The following OXR1 variants were observed in gnomAD, a reference collection of about 807,000 sequenced individuals.
The protein encoded by OXR1 is oxidation resistance 1.
Under a neutral mutation model 104.6 loss-of-function variants are expected in OXR1, and 41 were observed. The observed-to-expected ratio is 0.39, with a 90% CI of 0.31 to 0.51. The LOEUF is 0.51. OXR1 is among the 20% of genes least tolerant of loss of function. The probability of loss-of-function intolerance (pLI) is 0.77; values close to 1 mark genes in which losing one functional copy is unlikely to be tolerated. For synonymous variants in OXR1, 348 were observed against 348.4 expected, an observed-to-expected ratio of 1.00 and a Z score of 0.01; for missense variants, 955 against 1,031.9, an observed-to-expected ratio of 0.93 and a Z score of 1.02.
chr8:106,525,250 T>C (rs544930024), intron 3 of OXR1, among the ~76,000 whole-genome samples: 3 of 152,274 alleles, frequency 2.0e-5, no homozygotes, highest in African/African-American at 7.2e-5. Flanking sequence ...TTATTCACAT[T>C]ATCTCACTAT....
intron 2 of OXR1, among the ~76,000 whole-genome samples, chr8:106,472,598 C>T (rs1821575833): frequency 6.6e-6 from 1 of 151,824 alleles, no homozygotes; most frequent in African/African-American, 2.4e-5. Flanking sequence ...AAATTTACTG[C>T]TACAGTAAAA....
intron 3 of OXR1, chr8:106,520,682 A>G (rs990772266): frequency 6.6e-6 from 1 of 152,164 alleles, no homozygotes; most frequent in African/African-American, 2.4e-5. Flanking sequence ...AGTTCCTCAA[A>G]TCAATTGACT....
At chr8:106,411,359 A>G (rs116292674) in intron 2 of OXR1, among the ~76,000 whole-genome samples, 171 of 152,332 alleles carry the variant, frequency 1.1e-3, no homozygotes, top group African/African-American at 3.9e-3. Flanking sequence ...TTTACCCAAC[A>G]GATACCCATT....
At chr8:106,288,808 T>A (rs1321078034) in intron 1 of OXR1, among the ~76,000 whole-genome samples, 1 of 150,744 alleles carries the variant, frequency 6.6e-6, no homozygotes, top group Admixed American at 6.6e-5. Flanking sequence ...TAGTATATTC[T>A]TAAGATACCT....
chr8:106,593,584 C>T (rs951400852), intron 3 of OXR1, among the ~76,000 whole-genome samples: 7 of 152,046 alleles, frequency 4.6e-5, no homozygotes, highest in Non-Finnish European at 8.8e-5. Context: ...CGAGACCATC[C>T]TGGCTAACAC....
chr8:106,302,515 G>A lies in OXR1; in HGVS notation c.-139+32148G>A, dbSNP rs1186750711. The stretch of plus-strand genomic sequence containing the variant: ...GCAGGGGAATGGTGTGAACCCGGGA[G>A]GCGGAGCTTGCAGTGAGCTTAGATC... On this transcript the variant is annotated intron_variant, in intron 1 of 16. Coordinates refer to ENST00000517566, the MANE Select transcript of OXR1 (RefSeq NM_001198533.2). Among the ~76,000 whole-genome samples, 26 of 151,282 alleles carry A rather than the reference G, an allele frequency of 1.7e-4. 2 individuals are homozygous for A. The highest frequency in any genetic ancestry group is 1.3e-3 in the Admixed American group (20 of 15,204).
At chr8:106,481,417 G>C (rs191708107) in intron 2 of OXR1, among the ~76,000 whole-genome samples, 1 of 152,070 alleles carries the variant, frequency 6.6e-6, no homozygotes, top group Admixed American at 6.6e-5. Context: ...TTTCAATATT[G>C]ATTTTTTAAA....
intron 2 of OXR1, among the ~76,000 whole-genome samples, chr8:106,517,168 A>G (rs1461223462): frequency 6.6e-6 from 1 of 152,162 alleles, no homozygotes; most frequent in East Asian, 1.9e-4. Flanking sequence ...CATTACCAGA[A>G]TCCCATAAAC....
At chr8:106,406,773 T>G (rs112122942) in intron 2 of OXR1, among the ~76,000 whole-genome samples, 2 of 152,200 alleles carry the variant, frequency 1.3e-5, no homozygotes, top group African/African-American at 4.8e-5. Flanking sequence ...TAATGGTGGA[T>G]ACCTGTCATT....
At chr8:106,452,205 C>T (rs895874650) in intron 2 of OXR1, among the ~76,000 whole-genome samples, 3 of 152,136 alleles carry the variant, frequency 2.0e-5, no homozygotes, top group African/African-American at 7.2e-5. Context: ...GGAAACCGAA[C>T]TCCACAAATA....
intron 1 of OXR1, among the ~76,000 whole-genome samples, chr8:106,280,967 G>T (rs929073878): frequency 6.6e-6 from 1 of 152,064 alleles, no homozygotes; most frequent in Non-Finnish European, 1.5e-5. Context: ...ACCAGAGAAA[G>T]CCCCCTTTGG....
chr8:106,467,424 A>T (rs920047045), intron 2 of OXR1, among the ~76,000 whole-genome samples: 2 of 151,838 alleles, frequency 1.3e-5, no homozygotes, highest in African/African-American at 4.8e-5. Context: ...TTAGCCTGTC[A>T]CTGCTTCATG....
At chr8:106,525,539 C>A (rs1257529760) in intron 3 of OXR1, among the ~76,000 whole-genome samples, 1 of 152,110 alleles carries the variant, frequency 6.6e-6, no homozygotes, top group African/African-American at 2.4e-5. Context: ...ATAATTACAA[C>A]CTTTATGTTT....
chr8:106,574,502 T>C (rs1817689681), intron 3 of OXR1, among the ~76,000 whole-genome samples: 2 of 152,240 alleles, frequency 1.3e-5, no homozygotes, highest in African/African-American at 4.8e-5. Context: ...TGGCCACACC[T>C]AGCACTAAGT....
chr8:106,420,593 A>C (rs991624821), intron 2 of OXR1, among the ~76,000 whole-genome samples: 1 of 150,692 alleles, frequency 6.6e-6, no homozygotes, highest in Non-Finnish European at 1.5e-5. Context: ...GGTATTAAAT[A>C]TATAATATAT....
intron 2 of OXR1, among the ~76,000 whole-genome samples, chr8:106,443,278 A>G (rs1819868198): frequency 6.6e-6 from 1 of 151,984 alleles, no homozygotes; most frequent in Non-Finnish European, 1.5e-5. Context: ...ACTGTTTATT[A>G]TAATTTCAGG....
chr8:106,638,627 G>A (rs866267938), intron 3 of OXR1, among the ~76,000 whole-genome samples: 4 of 152,106 alleles, frequency 2.6e-5, no homozygotes, highest in Non-Finnish European at 5.9e-5. Context: ...CCGGCTGGGC[G>A]CGATGACTCA....
At chr8:106,643,856 G>A (rs1282873678) in intron 3 of OXR1, among the ~76,000 whole-genome samples, 1 of 152,068 alleles carries the variant, frequency 6.6e-6, no homozygotes, top group Non-Finnish European at 1.5e-5. Context: ...CCAAGGCCCC[G>A]CTCATGTCTT....
intron 3 of OXR1, among the ~76,000 whole-genome samples, chr8:106,580,125 T>A (rs1467288376): frequency 2.0e-5 from 3 of 152,170 alleles, no homozygotes; most frequent in African/African-American, 7.2e-5. Flanking sequence ...TTTTAAACCA[T>A]CTTAGCCATC....
Sources: allele counts gnomAD v4.1 joint callset (sites outside exome capture counted in the v4.1 genomes callset), GRCh38; gene constraint gnomAD v4.1.1; transcripts MANE v1.5; gene names NCBI Gene and HGNC (gene_info 2026-07-23, HGNC 2026-07-21).